The following OR4L1 variants were observed in gnomAD, a reference collection of about 807,000 sequenced individuals.
The protein encoded by OR4L1 is olfactory receptor family 4 subfamily L member 1.
For synonymous variants in OR4L1, 156 were observed against 135.3 expected (o/e 1.15, Z -1.06); for missense variants, 446 against 368.5 (o/e 1.21, Z -1.72).
At position 20,060,287 on chromosome 14, in the gene OR4L1, GATCATAGA is replaced by G; in HGVS notation, c.244_251del (p.Ile82PhefsTer4). 1.3e-6 allele frequency: 2 copies of G among 1,565,418 alleles called. No individual in the cohort carries two copies. The highest frequency in any genetic ancestry group is 1.7e-6 in the Non-Finnish European group (2 of 1,159,832). On this transcript the variant is annotated frameshift_variant, in exon 1 of 1. Transcript: ENST00000315683. LOFTEE classifies it low-confidence loss of function (END_TRUNC). ...TCTCCACTGCCACAACACCCAAGAT[GATCATAGA>G]TTTGCTCACTGACCACAAGACCATC... is the stretch of plus-strand genomic sequence containing the variant.
At position 20,060,721 on chromosome 14, in the gene OR4L1, C is replaced by T. The variant is rs1566538751; in HGVS notation, c.677C>T (p.Pro226Leu). ...TACATTGTCATCCTGGTCAGTGTAC[C>T]AAAAAAATCATCACATGGGCTCTCC... ...VSYIVILVSV[P>L]KKSSHGLSKA... Residue 226 changes from proline (P) to leucine (L), a missense_variant, in exon 1 of 1, where the codon CCA (proline) becomes CTA (leucine). By Grantham distance (98) the Pro-to-Leu change is moderately conservative (BLOSUM62 -3). Transcript: ENST00000315683. 1 of 1,613,376 alleles carries T rather than the reference C, an allele frequency of 6.2e-7. No individual in the cohort carries two copies. Among genetic ancestry groups the T allele is most frequent in the Non-Finnish European group, 8.5e-7 (1 of 1,179,660 alleles).
chr14:20,060,153 GCTA>G lies in OR4L1; in HGVS notation c.112_114del (p.Thr38del), dbSNP rs768405999. 1 of 1,605,406 alleles carries G rather than the reference GCTA, an allele frequency of 6.2e-7. No homozygotes were observed. Among genetic ancestry groups the G allele is most frequent in the South Asian group, 1.1e-5 (1 of 89,640 alleles). On this transcript the variant is annotated inframe_deletion, in exon 1 of 1. Coordinates refer to ENST00000315683, the MANE Select transcript of OR4L1 (RefSeq NM_001004717.1). ...TGTGACATTTTCCCTGATCTACGGT[GCTA>G]CTGTGATGGGAAACATTCTCATTAT...
Position 20,060,607 on chromosome 14 carries a change from C to T in OR4L1, c.563C>T (p.Ala188Val), listed in dbSNP as rs1876720287. 2.5e-6 allele frequency: 4 copies of T among 1,613,212 alleles called. No individual in the cohort carries two copies. The highest frequency in any genetic ancestry group is 2.5e-6 in the Non-Finnish European group (3 of 1,179,588). Reference protein sequence around the residue: ...FCDLPLVIKLACIETYTLELF... With the variant: ...FCDLPLVIKLVCIETYTLELF... ...GATCTTCCCCTTGTGATCAAGCTTGCTTGCATTGAAACATACACCCTGGAA... is the reference window on the plus strand; with the variant it reads ...GATCTTCCCCTTGTGATCAAGCTTGTTTGCATTGAAACATACACCCTGGAA... Residue 188 changes from alanine to valine, a missense_variant, in exon 1 of 1, where the codon GCT becomes GTT. Ala to Val is a moderately conservative substitution (Grantham distance 64, BLOSUM62 0). Coordinates refer to ENST00000315683, the MANE Select transcript of OR4L1 (RefSeq NM_001004717.1).
rs770029850 is a variant in OR4L1, at chr14:20,060,501, T to A, written c.457T>A (p.Phe153Ile). The stretch of plus-strand genomic sequence containing the variant: ...TGCGATACTTTCATGGATAATTGGT[T>A]TTTTACACTCCATAAGCCAGATAGT... ...GFAILSWIIG[F>I]LHSISQIVLT... Residue 153 changes from phenylalanine to isoleucine, a missense_variant, in exon 1 of 1, where the codon TTT becomes ATT. Transcript: ENST00000315683. 1.9e-6 allele frequency: 3 copies of A among 1,613,526 alleles called. No individual in the cohort carries two copies. The East Asian group carries it at 6.7e-5, about 36-fold the overall frequency.
At position 20,060,304 on chromosome 14, in the gene OR4L1, C is replaced by G. The variant is rs758822351; in HGVS notation, c.260C>G (p.Thr87Ser). Residue 87 changes from threonine (T) to serine (S), a missense_variant, in exon 1 of 1, where the codon ACT becomes AGT. By Grantham distance (58) the Thr-to-Ser change is moderately conservative (BLOSUM62 1). Coordinates refer to ENST00000315683, the MANE Select transcript of OR4L1 (RefSeq NM_001004717.1). ...CCCAAGATGATCATAGATTTGCTCA[C>G]TGACCACAAGACCATCTCTGTGTGG... ...TTPKMIIDLL[T>S]DHKTISVWGC... 1 of 526,670 alleles carries G rather than the reference C, an allele frequency of 1.9e-6. No homozygotes were observed. Among genetic ancestry groups the G allele is most frequent in the Non-Finnish European group, 2.4e-6 (1 of 417,366 alleles). The allele number at this position is 526,670 out of a possible 1,614,324, so 32.6% of individuals were successfully genotyped here. A position where few individuals can be genotyped will look rare whatever the true frequency, so the allele number is the denominator to read the frequency against.
Position 20,060,309 on chromosome 14 carries a change from C to A in OR4L1, c.265C>A (p.His89Asn), listed in dbSNP as rs2042686917. Residue 89 changes from histidine (H) to asparagine (N), a missense_variant, in exon 1 of 1, where the codon CAC (histidine) becomes AAC (asparagine). His to Asn is a moderately conservative substitution (Grantham distance 68). Coordinates refer to ENST00000315683, the MANE Select transcript of OR4L1 (RefSeq NM_001004717.1). ...GATGATCATAGATTTGCTCACTGACCACAAGACCATCTCTGTGTGGGGCTG... is the reference window on the plus strand; with the variant it reads ...GATGATCATAGATTTGCTCACTGACAACAAGACCATCTCTGTGTGGGGCTG... ...PKMIIDLLTD[H>N]KTISVWGCVT... is the part of the protein sequence containing the mutation. 1 of 1,489,826 alleles carries A rather than the reference C, an allele frequency of 6.7e-7. No homozygotes were observed. The highest frequency in any genetic ancestry group is 8.9e-7 in the Non-Finnish European group (1 of 1,125,996). 92.3% of individuals were successfully genotyped at this position (1,489,826 alleles called of 1,614,324 possible).
Position 20,060,289 on chromosome 14 carries a change from TCATAGATTTGCTCACTGAC to T in OR4L1, c.248_266del (p.Ile83ThrfsTer10), listed in dbSNP as rs33965693. ...TCCACTGCCACAACACCCAAGATGATCATAGATTTGCTCACTGACCACAAGACCATCTCTGTGTGGGGCT... is the reference window on the plus strand; with the variant it reads ...TCCACTGCCACAACACCCAAGATGATCACAAGACCATCTCTGTGTGGGGCT... On this transcript the variant is annotated frameshift_variant, in exon 1 of 1. Transcript: ENST00000315683. LOFTEE classifies it low-confidence loss of function (END_TRUNC). The T allele has an allele frequency of 0.43, 668,725 of 1,559,130 alleles. 156,365 individuals carry two copies. Among genetic ancestry groups the T allele is most frequent in the South Asian group, 0.69 (59,621 of 86,942 alleles).
At position 20,060,287 on chromosome 14, in the gene OR4L1, G is replaced by T; in HGVS notation, c.243G>T (p.Met81Ile). Residue 81 changes from methionine (M) to isoleucine (I), a missense_variant, in exon 1 of 1, where the codon ATG becomes ATT. Met to Ile is a conservative substitution (Grantham distance 10, BLOSUM62 1). Transcript: ENST00000315683. ...MCLSTATTPK[M>I]IIDLLTDHKT... ...TCTCCACTGCCACAACACCCAAGAT[G>T]ATCATAGATTTGCTCACTGACCACA... 6.4e-7 allele frequency: 1 copy of T among 1,565,418 alleles called. No individual in the cohort carries two copies. The highest frequency in any genetic ancestry group is 8.6e-7 in the Non-Finnish European group (1 of 1,159,832).
At position 20,060,238 on chromosome 14, in the gene OR4L1, ATC is replaced by A. The variant is rs33977614; in HGVS notation, c.200_201del (p.Ser67PhefsTer21). 1.0e-3 allele frequency: 1,678 copies of A among 1,607,460 alleles called. 12 individuals carry two copies. The African/African-American group carries it at 0.014, about 13-fold the overall frequency. On this transcript the variant is annotated frameshift_variant, in exon 1 of 1. Coordinates refer to ENST00000315683, the MANE Select transcript of OR4L1 (RefSeq NM_001004717.1). LOFTEE classifies it low-confidence loss of function (END_TRUNC). ...TCTCCCTTGTACTTTCTCCTTGGAA[ATC>A]TCTCTTTTTTGGACATGTGTCTCTC...
chr14:20,060,388 T>A lies in OR4L1; in HGVS notation c.344T>A (p.Leu115Gln). The change falls in exon 1 of 1, where the codon CTG becomes CAG. Residue 115 changes from leucine to glutamine, a missense_variant. Coordinates refer to ENST00000315683, the MANE Select transcript of OR4L1 (RefSeq NM_001004717.1). ...HFFGGAEMTL[L>Q]IIMAFDRYVA... ...TTTGGGGGTGCTGAGATGACTCTTC[T>A]GATAATCATGGCCTTTGACAGGTAT... is the stretch of plus-strand genomic sequence containing the variant. 6.2e-7 allele frequency: 1 copy of A among 1,607,434 alleles called. No individual in the cohort carries two copies. The highest frequency in any genetic ancestry group is 1.3e-5 in the African/African-American group (1 of 74,870).
rs765518953 is a variant in OR4L1 at position 20,060,747 on chromosome 14, A to G, written c.703A>G (p.Lys235Glu). 7 of 1,613,320 alleles carry G rather than the reference A, an allele frequency of 4.3e-6. No individual in the cohort carries two copies. Among genetic ancestry groups the G allele is most frequent in the Admixed American group, 3.3e-5 (2 of 59,942 alleles). Residue 235 changes from lysine (K) to glutamate (E), a missense_variant, in exon 1 of 1, where the codon AAG becomes GAG. Physicochemically the swap from Lys to Glu is moderately conservative, Grantham distance 56. Transcript: ENST00000315683. ...AAAAAAATCATCACATGGGCTCTCC[A>G]AGGCGCTGTCCACATTGTCTGCCCA... is the stretch of plus-strand genomic sequence containing the variant. ...VPKKSSHGLS[K>E]ALSTLSAHII... is the part of the protein sequence containing the mutation.
In OR4L1 at chr14:20,060,142, T is replaced by C. The variant is rs376926356; in HGVS notation, c.98T>C (p.Leu33Pro). 3 of 1,595,512 alleles carry C rather than the reference T, an allele frequency of 1.9e-6. No individual in the cohort carries two copies. Among genetic ancestry groups the C allele is most frequent in the South Asian group, 1.2e-5 (1 of 86,476 alleles). The change falls in exon 1 of 1, where the codon CTG becomes CCG. Residue 33 changes from leucine to proline, a missense_variant. Transcript: ENST00000315683. ...ATTTTCTTCTTTGTGACATTTTCCCTGATCTACGGTGCTACTGTGATGGGA... is the reference window on the plus strand; with the variant it reads ...ATTTTCTTCTTTGTGACATTTTCCCCGATCTACGGTGCTACTGTGATGGGA... ...LQIFFFVTFSLIYGATVMGNI... is the reference protein window; with the variant it reads ...LQIFFFVTFSPIYGATVMGNI...
rs45585336 is a variant in OR4L1 at position 20,060,523 on chromosome 14, T to G, written c.479T>G (p.Ile160Arg). The change falls in exon 1 of 1, where the codon ATA becomes AGA. Residue 160 changes from isoleucine to arginine, a missense_variant. Transcript: ENST00000315683. ...IIGFLHSISQ[I>R]VLTMNLPFCG... The stretch of plus-strand genomic sequence containing the variant: ...GGTTTTTTACACTCCATAAGCCAGA[T>G]AGTTTTAACAATGAACTTGCCTTTC... 2 of 1,613,052 alleles carry G rather than the reference T, an allele frequency of 1.2e-6. No individual in the cohort carries two copies. Among genetic ancestry groups the G allele is most frequent in the Admixed American group, 1.7e-5 (1 of 59,898 alleles).
Position 20,060,183 on chromosome 14 carries a change from G to A in OR4L1, c.139G>A (p.Val47Ile). The change falls in exon 1 of 1, where the codon GTC becomes ATC. Residue 47 changes from valine to isoleucine, a missense_variant. Physicochemically the swap from Val to Ile is conservative, Grantham distance 29. Coordinates refer to ENST00000315683, the MANE Select transcript of OR4L1 (RefSeq NM_001004717.1). ...ATVMGNILIM[V>I]TVTCRSTLHS... ...TGTGATGGGAAACATTCTCATTATG[G>A]TCACAGTGACATGTAGGTCAACCCT... is the stretch of plus-strand genomic sequence containing the variant. The A allele has an allele frequency of 6.2e-7, 1 of 1,606,518 alleles. No individual in the cohort carries two copies. Among genetic ancestry groups the A allele is most frequent in the Admixed American group, 1.7e-5 (1 of 59,206 alleles).
rs558947325 is a variant in OR4L1 at position 20,060,372 on chromosome 14, G to A, written c.328G>A (p.Ala110Thr). ...QMFFMHFFGG[A>T]EMTLLIIMAF... ...GTTCTTCATGCACTTCTTTGGGGGTGCTGAGATGACTCTTCTGATAATCAT... is the reference window on the plus strand; with the variant it reads ...GTTCTTCATGCACTTCTTTGGGGGTACTGAGATGACTCTTCTGATAATCAT... The change falls in exon 1 of 1, where the codon GCT (alanine) becomes ACT (threonine). Residue 110 changes from alanine to threonine, a missense_variant. Ala to Thr is a moderately conservative substitution (Grantham distance 58). Coordinates refer to ENST00000315683, the MANE Select transcript of OR4L1 (RefSeq NM_001004717.1). 2 of 1,605,524 alleles carry A rather than the reference G, an allele frequency of 1.2e-6. No homozygotes were observed. Among genetic ancestry groups the A allele is most frequent in the South Asian group, 1.1e-5 (1 of 88,678 alleles).
In OR4L1 at chr14:20,060,898, GTATT is replaced by G; in HGVS notation, c.858_861del (p.Tyr287ProfsTer2). 1.2e-6 allele frequency: 2 copies of G among 1,603,648 alleles called. No individual in the cohort carries two copies. The highest frequency in any genetic ancestry group is 1.7e-6 in the Non-Finnish European group (2 of 1,176,264). ...GTTATCACACCCTTACTGAATCCGA[GTATT>G]TATACCCTGAGAAATAAGAAAATGC... On this transcript the variant is annotated frameshift_variant, in exon 1 of 1. Coordinates refer to ENST00000315683, the MANE Select transcript of OR4L1 (RefSeq NM_001004717.1). LOFTEE classifies it low-confidence loss of function (END_TRUNC).
In OR4L1 at chr14:20,060,590, C is replaced by A; in HGVS notation, c.546C>A (p.Pro182=). 1 of 1,612,824 alleles carries A rather than the reference C, an allele frequency of 6.2e-7. No homozygotes were observed. The highest frequency in any genetic ancestry group is 8.5e-7 in the Non-Finnish European group (1 of 1,179,336). Residue 182 remains proline, a synonymous_variant, in exon 1 of 1, where the codon CCC becomes CCA. Transcript: ENST00000315683. Reference sequence around the variant, plus strand: ...TAAACAACATATTTTGTGATCTTCCCCTTGTGATCAAGCTTGCTTGCATTG... The same window carrying A: ...TAAACAACATATTTTGTGATCTTCCACTTGTGATCAAGCTTGCTTGCATTG... ...NVINNIFCDL[P]LVIKLACIET... is the part of the protein sequence containing the mutation.
At position 20,060,612 on chromosome 14, in the gene OR4L1, A is replaced by C; in HGVS notation, c.568A>C (p.Ile190Leu). Residue 190 changes from isoleucine to leucine, a missense_variant, in exon 1 of 1, where the codon ATT becomes CTT. Ile to Leu is a conservative substitution (Grantham distance 5). Coordinates refer to ENST00000315683, the MANE Select transcript of OR4L1 (RefSeq NM_001004717.1). ...TCCCCTTGTGATCAAGCTTGCTTGC[A>C]TTGAAACATACACCCTGGAATTATT... ...DLPLVIKLAC[I>L]ETYTLELFVI... 1.2e-6 allele frequency: 2 copies of C among 1,613,584 alleles called. No individual in the cohort carries two copies. Among genetic ancestry groups the C allele is most frequent in the Non-Finnish European group, 1.7e-6 (2 of 1,179,694 alleles).
Position 20,060,731 on chromosome 14 carries a change from A to G in OR4L1, c.687A>G (p.Ser229=), listed in dbSNP as rs1441511783. 6.2e-7 allele frequency: 1 copy of G among 1,613,640 alleles called. No homozygotes were observed. Among genetic ancestry groups the G allele is most frequent in the East Asian group, 2.2e-5 (1 of 44,886 alleles). The change falls in exon 1 of 1, where the codon TCA becomes TCG. Residue 229 remains serine (S), a synonymous_variant. Transcript: ENST00000315683. ...IVILVSVPKK[S]SHGLSKALST... is the part of the protein sequence containing the mutation. ...TCCTGGTCAGTGTACCAAAAAAATC[A>G]TCACATGGGCTCTCCAAGGCGCTGT...
Sources: gnomAD v4.1 joint callset for allele counts on GRCh38, gnomAD v4.1.1 for gene constraint, MANE v1.5 for transcripts, NCBI Gene and HGNC (gene_info 2026-07-23, HGNC 2026-07-21) for gene names.